PRR14L: variants seen among roughly 807,000 people sequenced by gnomAD.
PRR14L encodes proline rich 14 like.
A neutral mutation model predicts 155.0 loss-of-function variants in PRR14L; 80 were observed. The ratio of observed to expected loss-of-function variants is 0.52; its 90% CI spans 0.43 to 0.62. PRR14L has a LOEUF of 0.62. Ranked by LOEUF, PRR14L falls within the 20% of genes least tolerant of loss-of-function variation. The pLI, the probability that PRR14L is intolerant of heterozygous loss-of-function variation, is 0.00. For synonymous variants in PRR14L, 883 were observed against 916.0 expected (o/e 0.96, Z 0.65); for missense variants, 2,469 against 2,548.0 (o/e 0.97, Z 0.67).
chr22:31,694,024 C>T (rs1436467782), intron 7 of PRR14L, among the ~76,000 whole-genome samples: 2 of 152,312 alleles, frequency 1.3e-5, no homozygotes, highest in South Asian at 4.1e-4. Context: ...CGCCTGTAGT[C>T]CTAGCACTTT....
chr22:31,702,383 C>T (rs183993933), intron 6 of PRR14L, among the ~76,000 whole-genome samples: 2 of 152,126 alleles, frequency 1.3e-5, no homozygotes, highest in Non-Finnish European at 2.9e-5. Flanking sequence ...CCACCACGCC[C>T]GGCTTATTTT....
intron 2 of PRR14L, among the ~76,000 whole-genome samples, chr22:31,733,258 G>A (rs1474679588): frequency 6.7e-6 from 1 of 148,336 alleles, no homozygotes; most frequent in Non-Finnish European, 1.5e-5. Flanking sequence ...GTACTCGCAA[G>A]TGCTGGGATC....
chr22:31,730,697 A>G (rs1384367146), intron 2 of PRR14L, among the ~76,000 whole-genome samples: 1 of 152,178 alleles, frequency 6.6e-6, no homozygotes, highest in Non-Finnish European at 1.5e-5. Flanking sequence ...TTTGTTTCCC[A>G]AACATTTAGC....
At position 31,712,203 on chromosome 22, in the gene PRR14L, T is replaced by C. The variant is rs1216909676; in HGVS notation, c.5636A>G (p.Tyr1879Cys). The change falls in exon 4 of 9, where the codon TAC (tyrosine) becomes TGC (cysteine). Residue 1879 changes from tyrosine (Y) to cysteine (C), a missense_variant. Around this residue, in one of 2 missense-constraint regions of PRR14L, gnomAD observed 2,363 missense variants for 2,371.6 expected, o/e 1.00. Coordinates refer to ENST00000327423, the MANE Select transcript of PRR14L (RefSeq NM_173566.3). ...AATGGATAGGACTCTGCCCACCGAGTAGGGCAGAGAACAGAAGACCTTGTC... is the reference window on the plus strand; with the variant it reads ...AATGGATAGGACTCTGCCCACCGAGCAGGGCAGAGAACAGAAGACCTTGTC... ...IADKVFCSLP[Y>C]SVGRVLSIWS... is the part of the protein sequence containing the mutation. 12 of 1,613,490 alleles carry C rather than the reference T, an allele frequency of 7.4e-6. No individual in the cohort carries two copies. The highest frequency in any genetic ancestry group is 8.5e-6 in the Non-Finnish European group (10 of 1,179,724).
chr22:31,717,872 G>A (rs533305349), intron 3 of PRR14L, among the ~76,000 whole-genome samples: 2 of 150,110 alleles, frequency 1.3e-5, no homozygotes, highest in Admixed American at 6.6e-5. Context: ...CAATTTTCCC[G>A]CCTCAGCCTC....
chr22:31,698,306 T>C (rs959679407), intron 7 of PRR14L, among the ~76,000 whole-genome samples: 1 of 152,036 alleles, frequency 6.6e-6, no homozygotes, highest in Non-Finnish European at 1.5e-5. Flanking sequence ...ATTACAGGCA[T>C]GAGCTACCAT....
Position 31,714,461 on chromosome 22 carries a change from G to T in PRR14L, c.3378C>A (p.Leu1126=). The T allele has an allele frequency of 1.3e-6, 2 of 1,551,222 alleles. No individual in the cohort carries two copies. Among genetic ancestry groups the T allele is most frequent in the Non-Finnish European group, 1.7e-6 (2 of 1,146,860 alleles). ...PVTAASTVDF[L]KIKKSCEENV... is the part of the protein sequence containing the mutation. ...TTTCTTCACATGATTTTTTTATTTT[G>T]AGAAAGTCCACTGTAGAAGCAGCAG... Residue 1126 remains leucine (L), a synonymous_variant, in exon 4 of 9, where the codon CTC becomes CTA. Transcript: ENST00000327423.
chr22:31,712,169 C>T lies in PRR14L; in HGVS notation c.5670G>A (p.Gln1890=), dbSNP rs2074626623. Residue 1890 remains glutamine, a synonymous_variant, in exon 4 of 9, where the codon CAG becomes CAA. Transcript: ENST00000327423. ...SVGRVLSIWS[Q]HGPSVCSFEI... ...CGAAGGAGCAGACAGAAGGACCATGCTGGCTCCAAATGGATAGGACTCTGC... is the reference window on the plus strand; with the variant it reads ...CGAAGGAGCAGACAGAAGGACCATGTTGGCTCCAAATGGATAGGACTCTGC... 1 of 1,614,018 alleles carries T rather than the reference C, an allele frequency of 6.2e-7. No homozygotes were observed. The highest frequency in any genetic ancestry group is 8.5e-7 in the Non-Finnish European group (1 of 1,180,030).
In PRR14L at chr22:31,683,824, A is replaced by C. The variant is rs780348041; in HGVS notation, c.*1703T>G. On this transcript the variant is annotated 3_prime_UTR_variant, in exon 9 of 9. Transcript: ENST00000327423. ...CCCCCCACCCCCAACCCATCTCCCC[A>C]TCCACTAGCAAATGGGGAAGCAAAA... 1 of 152,026 alleles carries C rather than the reference A, an allele frequency of 6.6e-6. No homozygotes were observed. Among genetic ancestry groups the C allele is most frequent in the Non-Finnish European group, 1.5e-5 (1 of 68,072 alleles). 9.4% of individuals were successfully genotyped at this position (152,026 alleles called of 1,614,324 possible). A position where few individuals can be genotyped will look rare whatever the true frequency, so the allele number is the denominator to read the frequency against.
In PRR14L at chr22:31,714,188, G is replaced by A; in HGVS notation, c.3651C>T (p.Ser1217=). The part of the protein sequence containing the change: ...EFGKESTFGI[S]SKESMSCHDE... ...CATGGCAAGACATCGACTCTTTTGA[G>A]GAAATTCCAAAGGTACTTTCTTTGC... Residue 1217 remains serine (S), a synonymous_variant, in exon 4 of 9, where the codon TCC becomes TCT. Transcript: ENST00000327423. 6.4e-7 allele frequency: 1 copy of A among 1,551,550 alleles called. No homozygotes were observed. Among genetic ancestry groups the A allele is most frequent in the East Asian group, 2.4e-5 (1 of 40,912 alleles).
At chr22:31,703,439 G>A (rs1020446521) in intron 6 of PRR14L, 111 bp downstream of exon 6, 77 of 1,011,394 alleles carry the variant, frequency 7.6e-5, no homozygotes, top group Non-Finnish European at 8.6e-5. Flanking sequence ...GACACTGAAG[G>A]TGGTACGTAA....
Position 31,717,207 on chromosome 22 carries a change from T to C in PRR14L, c.632A>G (p.Asn211Ser). The C allele has an allele frequency of 6.4e-7, 1 of 1,552,112 alleles. No homozygotes were observed. Among genetic ancestry groups the C allele is most frequent in the Non-Finnish European group, 8.7e-7 (1 of 1,147,084 alleles). Residue 211 changes from asparagine (N) to serine (S), a missense_variant, in exon 4 of 9, where the codon AAT (asparagine) becomes AGT (serine). By Grantham distance (46) the Asn-to-Ser change is conservative (BLOSUM62 1). Transcript: ENST00000327423. The part of the protein sequence containing the change: ...GMKVNGTKTD[N>S]NEGHKNGNVS... ...ATTGCCATTTTTGTGTCCTTCATTA[T>C]TATCCGTCTTAGTCCCATTGACCTT...
rs878871002 is a variant in PRR14L at position 31,715,991 on chromosome 22, T to C, written c.1848A>G (p.Ser616=). 21 of 1,551,352 alleles carry C rather than the reference T, an allele frequency of 1.4e-5. 1 individual carries two copies. In the South Asian group the frequency reaches 2.5e-4, roughly 18 times the overall value. Residue 616 remains serine, a synonymous_variant, in exon 4 of 9, where the codon TCA becomes TCG. Transcript: ENST00000327423. ...CATCTAAAAGTGGAATATCATCATG[T>C]GAGGTCTGTATAACTTTTTCTGACT... ...RPESEKVIQT[S]HDDIPLLDEQ...
In PRR14L at chr22:31,712,616, G is replaced by C; in HGVS notation, c.5223C>G (p.His1741Gln). 2 of 1,551,742 alleles carry C rather than the reference G, an allele frequency of 1.3e-6. No homozygotes were observed. Among genetic ancestry groups the C allele is most frequent in the East Asian group, 4.9e-5 (2 of 40,922 alleles). Residue 1741 changes from histidine to glutamine, a missense_variant, in exon 4 of 9, where the codon CAC (histidine) becomes CAG (glutamine). Physicochemically the swap from His to Gln is conservative, Grantham distance 24. Coordinates refer to ENST00000327423, the MANE Select transcript of PRR14L (RefSeq NM_173566.3). ...TTESSRTFPEHCAPARLALGE... is the reference protein window; with the variant it reads ...TTESSRTFPEQCAPARLALGE... ...CTAAGGCAAGCCTTGCCGGAGCACA[G>C]TGCTCAGGAAAAGTCCTTGAGGACT...
At chr22:31,695,742 C>T (rs553264597) in intron 7 of PRR14L, among the ~76,000 whole-genome samples, 1 of 152,264 alleles carries the variant, frequency 6.6e-6, no homozygotes, top group Admixed American at 6.5e-5. Context: ...CTGCAACCCA[C>T]CCATCCAATG....
Position 31,682,002 on chromosome 22 carries a change from G to C in PRR14L, c.*3525C>G, listed in dbSNP as rs573538038. ...CCAACTGCATACTCCCCCCACCCCA[G>C]GGAATGGGAGAAAAGTATCACTGCC... On this transcript the variant is annotated 3_prime_UTR_variant, in exon 9 of 9. Coordinates refer to ENST00000327423, the MANE Select transcript of PRR14L (RefSeq NM_173566.3). The C allele has an allele frequency of 6.6e-6, 1 of 152,324 alleles. No individual in the cohort carries two copies. The highest frequency in any genetic ancestry group is 1.5e-5 in the Non-Finnish European group (1 of 68,036). The allele number at this position is 152,324 out of a possible 1,614,324, so 9.4% of individuals were successfully genotyped here.
In PRR14L at chr22:31,685,404, T is replaced by C. The variant is rs181631717; in HGVS notation, c.*123A>G. 1,646 of 757,212 alleles carry C rather than the reference T, an allele frequency of 2.2e-3. 1 individual carries two copies. The highest frequency in any genetic ancestry group is 2.4e-3 in the Non-Finnish European group (1,158 of 482,666). The allele number at this position is 757,212 out of a possible 1,614,324, so 46.9% of individuals were successfully genotyped here. A position where few individuals can be genotyped will look rare whatever the true frequency, so the allele number is the denominator to read the frequency against. On this transcript the variant is annotated 3_prime_UTR_variant, in exon 9 of 9. Coordinates refer to ENST00000327423, the MANE Select transcript of PRR14L (RefSeq NM_173566.3). ...AATTCATGGACTGTGCATTTTTGAG[T>C]GGTTTGGCGGTAGGGCAAAATTAGG...
Position 31,714,858 on chromosome 22 carries a change from C to T in PRR14L, c.2981G>A (p.Ser994Asn), listed in dbSNP as rs769686260. The T allele has an allele frequency of 2.1e-5, 33 of 1,551,878 alleles. No individual in the cohort carries two copies. The highest frequency in any genetic ancestry group is 3.6e-5 in the South Asian group (3 of 84,070). The change falls in exon 4 of 9, where the codon AGT becomes AAT. Residue 994 changes from serine (S) to asparagine (N), a missense_variant. Ser to Asn is a conservative substitution (Grantham distance 46, BLOSUM62 1). This residue lies in a region of PRR14L where 2,363 missense variants were observed against 2,371.6 expected (regional missense o/e 1.00). Coordinates refer to ENST00000327423, the MANE Select transcript of PRR14L (RefSeq NM_173566.3). ...SEGQSAKEML[S>N]SDQRETVTEP... is the part of the protein sequence containing the mutation. ...GGTGACAGTCTCTCTCTGGTCACTA[C>T]TTAGCATCTCCTTGGCTGACTGACC...
chr22:31,692,660 G>C (rs1157318609), intron 7 of PRR14L, among the ~76,000 whole-genome samples: 1 of 152,142 alleles, frequency 6.6e-6, no homozygotes, highest in Non-Finnish European at 1.5e-5. Flanking sequence ...GTTGGGCAGG[G>C]GGAGACAGTC....
Sources: gnomAD v4.1 joint callset for allele counts (sites outside exome capture counted in the v4.1 genomes callset) on GRCh38, gnomAD v4.1.1 for gene constraint, gnomAD v4.1.1 regional missense constraint, MANE v1.5 for transcripts, NCBI Gene and HGNC (gene_info 2026-07-23, HGNC 2026-07-21) for gene names.